Variants in NSD1 observed in about 807,000 individuals in gnomAD.
The protein encoded by NSD1 is histone-lysine N-methyltransferase, H3 lysine-36 specific.
A neutral mutation model predicts 242.7 loss-of-function variants in NSD1; 26 were observed. The ratio of observed to expected loss-of-function variants is 0.11; its 90% confidence interval spans 0.08 to 0.15. NSD1 has a LOEUF of 0.15. Ranked by LOEUF, NSD1 falls within the 10% of genes least tolerant of loss-of-function variation. NSD1 has a pLI of 1.00. For synonymous variants in NSD1, 1,106 were observed against 1,178.1 expected (o/e 0.94, Z 1.25); for missense variants, 2,495 against 3,272.8 (o/e 0.76, Z 5.80).
At chr5:177,177,738 C>A (rs1307072117) in intron 2 of NSD1, among the ~76,000 whole-genome samples, 1 of 152,110 alleles carries the variant, frequency 6.6e-6, no homozygotes, top group African/African-American at 2.4e-5. Flanking sequence ...TTTGTGCCAA[C>A]CAGTGCCCAG....
intron 3 of NSD1, among the ~76,000 whole-genome samples, chr5:177,198,732 T>C (rs1027675860): frequency 9.2e-5 from 14 of 152,312 alleles, no homozygotes; most frequent in African/African-American, 2.9e-4. Flanking sequence ...TCTTACTAAC[T>C]CTGAGTTTTA....
At chr5:177,190,471 G>A (rs1475274273) in intron 2 of NSD1, among the ~76,000 whole-genome samples, 1 of 151,378 alleles carries the variant, frequency 6.6e-6, no homozygotes, top group Non-Finnish European at 1.5e-5. Flanking sequence ...TCTCTTTTTA[G>A]CAGAGACAGG....
At chr5:177,254,973 C>T (rs1208071805) in intron 12 of NSD1, among the ~76,000 whole-genome samples, 2 of 151,986 alleles carry the variant, frequency 1.3e-5, no homozygotes, top group East Asian at 1.9e-4. Flanking sequence ...GCTCTTGGCT[C>T]ACCCTATTTT....
At chr5:177,162,417 T>TG (rs1424428103) in intron 2 of NSD1, among the ~76,000 whole-genome samples, 1 of 148,372 alleles carries the variant, frequency 6.7e-6, no homozygotes, top group Non-Finnish European at 1.5e-5. Context: ...TTGTTTGAGA[T>TG]GGGGGTCTCA....
rs1480741202 is a variant in NSD1, at chr5:177,269,850, G to GT, written c.5509+45dup. 7.3e-6 allele frequency: 11 copies of GT among 1,508,034 alleles called. No individual in the cohort carries two copies. The highest frequency in any genetic ancestry group is 9.1e-6 in the Non-Finnish European group (10 of 1,096,580). 93.4% of individuals were successfully genotyped at this position (1,508,034 alleles called of 1,614,324 possible). A position where few individuals can be genotyped will look rare whatever the true frequency, so the allele number is the denominator to read the frequency against. On this transcript the variant is annotated intron_variant, in intron 16 of 22. Coordinates refer to ENST00000439151, the MANE Select transcript of NSD1 (RefSeq NM_022455.5). The surrounding 1 kb of genome is among the most constrained non-coding windows in gnomAD (Gnocchi z 5.1). The stretch of plus-strand genomic sequence containing the variant: ...GTTTCTCAGGCAAACACAGACCTCT[G>GT]TTACCTGAGTGTCTGATCTGTTTTA...
chr5:177,263,087 C>T (rs1757121524), intron 14 of NSD1, among the ~76,000 whole-genome samples: 1 of 152,236 alleles, frequency 6.6e-6, no homozygotes, highest in Non-Finnish European at 1.5e-5. Context: ...TGTCTCTTAT[C>T]TCCCTAAAAT....
rs1554172562 is a variant in NSD1, at chr5:177,158,293, C to CTTTCTTTCTTTTCTTTTCTTTCT, written c.927+22279_927+22280insTCTTTCTTTTCTTTCTTTTCTTT. On this transcript the variant is annotated intron_variant, in intron 2 of 22. Transcript: ENST00000439151. ...TCTTTCTTTCTTTCTTTCTTTCTTT[C>CTTTCTTTCTTTTCTTTTCTTTCT]TTTCTTTCTTTTCTTTCTTTTCTTT... 1.7e-4 allele frequency among the ~76,000 whole-genome samples: 13 copies of CTTTCTTTCTTTTCTTTTCTTTCT among 77,744 alleles called. 1 individual carries two copies. The highest frequency in any genetic ancestry group is 6.0e-4 in the African/African-American group (13 of 21,518). The allele number at this position is 77,744 out of a possible 152,430, so 51.0% of individuals were successfully genotyped here.
intron 3 of NSD1, among the ~76,000 whole-genome samples, chr5:177,193,780 G>A (rs1041201041): frequency 6.6e-6 from 1 of 151,988 alleles, no homozygotes; most frequent in Non-Finnish European, 1.5e-5. Flanking sequence ...TGTTGTTGTT[G>A]TTGTTTTGTT....
chr5:177,265,739 G>C, intron 14 of NSD1: 1 of 1,563,216 alleles, frequency 6.4e-7, no homozygotes, highest in Non-Finnish European at 8.8e-7. Context: ...GTAGAACACC[G>C]TCTGCTTCCA....
In NSD1 at chr5:177,173,496, G is replaced by A. The variant is rs552381423; in HGVS notation, c.928-18388G>A. Reference sequence around the variant, plus strand: ...TTTTTTTTTTTTTTTTTTTTGCGACGGAGTTTCACTCTTGTTGCCGAGGCT... The same window carrying A: ...TTTTTTTTTTTTTTTTTTTTGCGACAGAGTTTCACTCTTGTTGCCGAGGCT... On this transcript the variant is annotated intron_variant, in intron 2 of 22. Transcript: ENST00000439151. Among the ~76,000 whole-genome samples, 13 of 113,516 alleles carry A rather than the reference G, an allele frequency of 1.1e-4. No individual in the cohort carries two copies. The East Asian group carries it at 2.3e-3, about 20-fold the overall frequency. 74.5% of individuals were successfully genotyped at this position (113,516 alleles called of 152,430 possible).
At chr5:177,286,239 A>T (rs1263310525) in intron 20 of NSD1, among the ~76,000 whole-genome samples, 2 of 152,160 alleles carry the variant, frequency 1.3e-5, no homozygotes, top group East Asian at 3.8e-4. Flanking sequence ...GTTGTCCAGG[A>T]GTCTTTCAGA....
intron 2 of NSD1, among the ~76,000 whole-genome samples, chr5:177,153,568 C>T (rs978269207): frequency 6.6e-6 from 1 of 151,918 alleles, no homozygotes; most frequent in African/African-American, 2.4e-5. Flanking sequence ...AAATTTCTGT[C>T]TCATTGGATA....
At position 177,211,221 on chromosome 5, in the gene NSD1, G is replaced by A. The variant is rs189716582; in HGVS notation, c.2822G>A (p.Arg941His). ...CTGGTCTCTTACCGGAGTCCTGGTC[G>A]TGGGGACTGTTCTACTAATAGTCCT... Reference protein sequence around the residue: ...QNLVSYRSPGRGDCSTNSPVG... With the variant: ...QNLVSYRSPGHGDCSTNSPVG... Residue 941 changes from arginine (R) to histidine (H), a missense_variant, in exon 5 of 23, where the codon CGT becomes CAT. Arg to His is a conservative substitution (Grantham distance 29, BLOSUM62 0). Transcript: ENST00000439151. 1.2e-5 allele frequency: 19 copies of A among 1,613,984 alleles called. No homozygotes were observed. Among genetic ancestry groups the A allele is most frequent in the African/African-American group, 2.7e-5 (2 of 75,020 alleles).
intron 14 of NSD1, among the ~76,000 whole-genome samples, chr5:177,261,160 C>G (rs894782655): frequency 4.6e-5 from 7 of 152,050 alleles, no homozygotes; most frequent in African/African-American, 1.7e-4. Flanking sequence ...ATCCCTCCCC[C>G]ACCGGTTCAA....
intron 16 of NSD1, among the ~76,000 whole-genome samples, chr5:177,271,006 C>T (rs564055144): frequency 6.6e-6 from 1 of 152,164 alleles, no homozygotes; most frequent in South Asian, 2.1e-4. Flanking sequence ...AGTATTTTGG[C>T]CTGCACAGAG....
chr5:177,236,765 G>A (rs913343949), intron 6 of NSD1, among the ~76,000 whole-genome samples: 1 of 152,208 alleles, frequency 6.6e-6, no homozygotes, highest in Non-Finnish European at 1.5e-5. Context: ...CTATATCAGA[G>A]ATGATAATGT....
chr5:177,230,766 G>A (rs1466854486), intron 5 of NSD1, among the ~76,000 whole-genome samples: 1 of 151,718 alleles, frequency 6.6e-6, no homozygotes, highest in Non-Finnish European at 1.5e-5. Flanking sequence ...GGTGAAGGTT[G>A]CTGTGAGCCG....
Position 177,210,916 on chromosome 5 carries a change from G to A in NSD1, c.2517G>A (p.Leu839=). The change falls in exon 5 of 23, where the codon CTG becomes CTA. Residue 839 remains leucine, a synonymous_variant. Coordinates refer to ENST00000439151, the MANE Select transcript of NSD1 (RefSeq NM_022455.5). ...KSGKVDGLKL[L]NNMHEKTRDS... ...GGAAAGTGGATGGTCTAAAACTACT[G>A]AACAATATGCATGAGAAAACCAGGG... The A allele has an allele frequency of 6.2e-7, 1 of 1,614,090 alleles. No individual in the cohort carries two copies. The highest frequency in any genetic ancestry group is 1.3e-5 in the African/African-American group (1 of 75,016).
intron 5 of NSD1, among the ~76,000 whole-genome samples, chr5:177,228,061 A>G (rs1019508981): frequency 7.3e-5 from 11 of 151,620 alleles, no homozygotes; most frequent in African/African-American, 2.7e-4. Flanking sequence ...ATGGTTTTAC[A>G]TATTTCTCTT....
Sources: gnomAD v4.1 joint callset for allele counts (sites outside exome capture counted in the v4.1 genomes callset) on GRCh38, gnomAD v4.1.1 for gene constraint, Gnocchi (gnomAD v3.1) non-coding constraint, MANE v1.5 for transcripts, NCBI Gene and HGNC (gene_info 2026-07-23, HGNC 2026-07-21) for gene names.